SH3PXD2A: variants seen among roughly 807,000 people sequenced by gnomAD.
SH3PXD2A encodes the protein SH3 and PX domains 2A.
Under a neutral mutation model 115.2 loss-of-function variants are expected in SH3PXD2A, and 32 were observed. The ratio of observed to expected loss-of-function variants is 0.28; its 90% CI spans 0.21 to 0.37. The LOEUF is 0.37. Among genes scored for constraint, SH3PXD2A ranks in the 10% least tolerant of loss-of-function variants. The pLI, the probability that SH3PXD2A is intolerant of heterozygous loss-of-function variation, is 1.00. For synonymous variants in SH3PXD2A, 610 were observed against 629.1 expected, an observed-to-expected ratio of 0.97 and a Z score of 0.45; for missense variants, 1,328 against 1,498.7, an observed-to-expected ratio of 0.89 and a Z score of 1.88.
intron 5 of SH3PXD2A, among the ~76,000 whole-genome samples, chr10:103,712,157 T>C (rs1436915845): frequency 6.6e-6 from 1 of 152,128 alleles, no homozygotes; most frequent in Non-Finnish European, 1.5e-5. Flanking sequence ...TGCACAACTG[T>C]AAAAGTATTA....
intron 1 of SH3PXD2A, among the ~76,000 whole-genome samples, chr10:103,832,647 G>A (rs184221763): frequency 6.6e-5 from 10 of 152,208 alleles, no homozygotes; most frequent in African/African-American, 1.4e-4. Context: ...GCAAACTATC[G>A]CAAGGACAAA....
chr10:103,738,182 C>T (rs540830059), intron 3 of SH3PXD2A, among the ~76,000 whole-genome samples: 92 of 152,326 alleles, frequency 6.0e-4, no homozygotes, highest in South Asian at 4.1e-3. Flanking sequence ...CAAGATGAAG[C>T]GGCTCTGCCC....
intron 2 of SH3PXD2A, among the ~76,000 whole-genome samples, chr10:103,769,165 TGTGTGTGTGTGTGTGTGC>T (rs1190953373): frequency 1.9e-4 from 22 of 115,580 alleles, no homozygotes; most frequent in South Asian, 5.0e-4. Context: ...TGTGTGTGTG[TGTGTGTGTGTGTGTGTGC>T]GCGCGCGCGC....
At chr10:103,830,892 A>G (rs2039476643) in intron 1 of SH3PXD2A, among the ~76,000 whole-genome samples, 1 of 144,998 alleles carries the variant, frequency 6.9e-6, no homozygotes, top group African/African-American at 2.6e-5. Flanking sequence ...AAGAAAAAAT[A>G]AAAATAAGTC....
intron 5 of SH3PXD2A, among the ~76,000 whole-genome samples, chr10:103,718,006 G>A (rs1002724237): frequency 1.6e-5 from 1 of 60,906 alleles, no homozygotes; most frequent in African/African-American, 9.4e-5. Flanking sequence ...GCTTCCATGT[G>A]TCTTTTTTTT....
intron 1 of SH3PXD2A, among the ~76,000 whole-genome samples, chr10:103,840,525 G>A (rs1194605217): frequency 1.3e-5 from 2 of 152,222 alleles, no homozygotes; most frequent in Admixed American, 6.5e-5. Flanking sequence ...CTAATGACAA[G>A]TGTCCTGAAC....
intron 5 of SH3PXD2A, among the ~76,000 whole-genome samples, chr10:103,718,707 T>A (rs796088121): frequency 1.1e-4 from 16 of 150,216 alleles, no homozygotes; most frequent in African/African-American, 3.9e-4. Flanking sequence ...ACCAATACAA[T>A]AAGGCAAACA....
At chr10:103,757,593 C>T (rs973454126) in intron 3 of SH3PXD2A, among the ~76,000 whole-genome samples, 1 of 152,132 alleles carries the variant, frequency 6.6e-6, no homozygotes, top group Admixed American at 6.5e-5. Flanking sequence ...GTGGGGATGT[C>T]GCGGGGGAAG....
At chr10:103,681,752 A>ACACATG (rs398054664) in intron 6 of SH3PXD2A, among the ~76,000 whole-genome samples, 10 of 131,982 alleles carry the variant, frequency 7.6e-5, no homozygotes, top group African/African-American at 2.7e-4. Context: ...ACACACACAC[A>ACACATG]CGCGCCCGCG....
At chr10:103,815,779 C>A (rs1285313441) in intron 1 of SH3PXD2A, among the ~76,000 whole-genome samples, 2 of 151,738 alleles carry the variant, frequency 1.3e-5, no homozygotes, top group African/African-American at 4.8e-5. Flanking sequence ...ATCCCAGCTA[C>A]TCAGGAGGCT....
rs1347122461 is a variant in SH3PXD2A, at chr10:103,804,428, TCTC to T, written c.73-3069_73-3067del. On this transcript the variant is annotated intron_variant, in intron 1 of 14. Transcript: ENST00000369774. The stretch of plus-strand genomic sequence containing the variant: ...CCTCCGCCTCCCGGGTTCACGCCAT[TCTC>T]CTGCCTCAGCCTCCCAAGTAGCTGG... Among the ~76,000 whole-genome samples, 6 of 149,878 alleles carry T rather than the reference TCTC, an allele frequency of 4.0e-5. No homozygotes were observed. The East Asian group carries it at 1.2e-3, about 30-fold the overall frequency.
Position 103,602,751 on chromosome 10 carries a change from T to G in SH3PXD2A, c.2467A>C (p.Ile823Leu). ...GGGGGAGTGGTGGCTGGGAGGGTGA[T>G]GAGGTCGGATGAGCTTCTCCTAGAC... ...EGSRRSSSDL[I>L]TLPATTPPCP... Residue 823 changes from isoleucine to leucine, a missense_variant, in exon 15 of 15, where the codon ATC becomes CTC. This residue lies in a region of SH3PXD2A where 574 missense variants were observed against 565.7 expected (regional missense o/e 1.01). Coordinates refer to ENST00000369774, the MANE Select transcript of SH3PXD2A (RefSeq NM_001394015.1). 6.2e-7 allele frequency: 1 copy of G among 1,613,992 alleles called. No homozygotes were observed. The highest frequency in any genetic ancestry group is 1.1e-5 in the South Asian group (1 of 91,046).
At position 103,730,237 on chromosome 10, in the gene SH3PXD2A, T is replaced by TC. The variant is rs983893831; in HGVS notation, c.306+5494_306+5495insG. Among the ~76,000 whole-genome samples the TC allele has an allele frequency of 4.2e-5, 6 of 143,514 alleles. No homozygotes were observed. In the East Asian group the frequency reaches 1.2e-3, roughly 28 times the overall value. The allele number at this position is 143,514 out of a possible 152,430, so 94.2% of individuals were successfully genotyped here. A position where few individuals can be genotyped will look rare whatever the true frequency, so the allele number is the denominator to read the frequency against. On this transcript the variant is annotated intron_variant, in intron 4 of 14. Coordinates refer to ENST00000369774, the MANE Select transcript of SH3PXD2A (RefSeq NM_001394015.1). Reference sequence around the variant, plus strand: ...ATCAGTTTCTTTTCTCGTTTCTTTTTTTTTTTTTTTTTTTGCTCCTTCCTG... The same window carrying TC: ...ATCAGTTTCTTTTCTCGTTTCTTTTTCTTTTTTTTTTTTTTGCTCCTTCCTG...
At chr10:103,624,411 C>T (rs1319439960) in intron 9 of SH3PXD2A, among the ~76,000 whole-genome samples, 1 of 152,178 alleles carries the variant, frequency 6.6e-6, no homozygotes, top group Non-Finnish European at 1.5e-5. Flanking sequence ...CACAAATGAA[C>T]CCGAGGGCTT....
chr10:103,765,284 A>G (rs1341197041), intron 3 of SH3PXD2A, among the ~76,000 whole-genome samples: 1 of 152,168 alleles, frequency 6.6e-6, no homozygotes, highest in Non-Finnish European at 1.5e-5. Flanking sequence ...TGTGGGGGCC[A>G]GCTCCAGGCC....
intron 1 of SH3PXD2A, among the ~76,000 whole-genome samples, chr10:103,801,914 G>A (rs1282842530): frequency 2.0e-5 from 3 of 152,168 alleles, no homozygotes; most frequent in Non-Finnish European, 1.5e-5. Flanking sequence ...ATGTTGGCCA[G>A]GCTGGTCTCG....
intron 2 of SH3PXD2A, 78 bp downstream of exon 2, chr10:103,801,204 C>A (rs923541413): frequency 2.2e-5 from 19 of 854,084 alleles, no homozygotes; most frequent in Non-Finnish European, 3.8e-5. Context: ...CTTGGGGGCT[C>A]CCTGGATAAG....
chr10:103,833,207 C>T (rs917444134), intron 1 of SH3PXD2A, among the ~76,000 whole-genome samples: 7 of 152,168 alleles, frequency 4.6e-5, no homozygotes, highest in South Asian at 4.1e-4. Context: ...ATTATTTTAG[C>T]CTGCTGCCCA....
rs2037380355 is a variant in SH3PXD2A, at chr10:103,666,096, A to T, written c.472+2512T>A. 6.6e-6 allele frequency among the ~76,000 whole-genome samples: 1 copy of T among 152,144 alleles called. No homozygotes were observed. The highest frequency in any genetic ancestry group is 1.5e-5 in the Non-Finnish European group (1 of 68,030). Reference sequence around the variant, plus strand: ...ACTGGGCTTTTGCCAAGTCAGTCCCATGCTCCAACGCCTTCCACGGCTCCC... The same window carrying T: ...ACTGGGCTTTTGCCAAGTCAGTCCCTTGCTCCAACGCCTTCCACGGCTCCC... On this transcript the variant is annotated intron_variant, in intron 7 of 14. Coordinates refer to ENST00000369774, the MANE Select transcript of SH3PXD2A (RefSeq NM_001394015.1). This position sits in a 1 kb window ranked among gnomAD's most constrained non-coding sequence, Gnocchi z 4.5.
Sources: allele counts gnomAD v4.1 joint callset (sites outside exome capture counted in the v4.1 genomes callset), GRCh38; gene constraint gnomAD v4.1.1; regional missense constraint gnomAD v4.1.1; non-coding constraint Gnocchi (gnomAD v3.1); transcripts MANE v1.5; gene names NCBI Gene and HGNC (gene_info 2026-07-23, HGNC 2026-07-21).